The following CPEB1 variants were observed in gnomAD, a reference collection of about 807,000 sequenced individuals.
The protein encoded by CPEB1 is cytoplasmic polyadenylation element binding protein 1.
CPEB1 carries 7 observed loss-of-function variants against 65.8 expected under a neutral mutation model. The observed-to-expected ratio is 0.11, with a 90% CI of 0.06 to 0.20. The LOEUF (loss-of-function observed/expected upper bound fraction) is 0.20. Among genes scored for constraint, CPEB1 ranks in the 10% least tolerant of loss-of-function variants. The pLI is 1.00. For synonymous variants in CPEB1, 262 were observed against 260.0 expected, an observed-to-expected ratio of 1.01 and a Z score of -0.08; for missense variants, 551 against 712.2, an observed-to-expected ratio of 0.77 and a Z score of 2.58.
chr15:82,544,763 G>A, intron 12 of CPEB1, 61 bp from the exon 13 acceptor site: 1 of 1,269,602 alleles, frequency 7.9e-7, no homozygotes, highest in Non-Finnish European at 1.1e-6. Flanking sequence ...CACAGGAGCT[G>A]TTGCACGAGC....
At chr15:82,615,689 G>A (rs2044644574) in intron 3 of CPEB1, among the ~76,000 whole-genome samples, 1 of 152,148 alleles carries the variant, frequency 6.6e-6, no homozygotes, top group Admixed American at 6.6e-5. Context: ...GAATTTTGAA[G>A]TATGACAACA....
At chr15:82,624,294 C>T (rs2045567510) in intron 3 of CPEB1, among the ~76,000 whole-genome samples, 2 of 152,164 alleles carry the variant, frequency 1.3e-5, no homozygotes, top group South Asian at 4.1e-4. Flanking sequence ...AGAACATCAG[C>T]TACCTTTGAC....
Position 82,646,587 on chromosome 15 carries a change from G to C in CPEB1, c.-98+550C>G, listed in dbSNP as rs77252216. The stretch of plus-strand genomic sequence containing the variant: ...CGGTGCAAGGGGCCAGGGCTGCAGG[G>C]AGCAAAGTGCCCCCGAAAAATAAGC... On this transcript the variant is annotated intron_variant, in intron 1 of 12. Coordinates refer to ENST00000684509, the MANE Select transcript of CPEB1 (RefSeq NM_001365242.1). Among the ~76,000 whole-genome samples, 3 of 152,294 alleles carry C rather than the reference G, an allele frequency of 2.0e-5. No homozygotes were observed. In the East Asian group the frequency reaches 5.8e-4, roughly 29 times the overall value.
At chr15:82,591,199 A>G (rs2042223752) in intron 3 of CPEB1, among the ~76,000 whole-genome samples, 1 of 151,974 alleles carries the variant, frequency 6.6e-6, no homozygotes, top group Non-Finnish European at 1.5e-5. Flanking sequence ...TTAACTTTTT[A>G]ATTGTAGCCA....
chr15:82,585,238 T>G (rs183189827), intron 3 of CPEB1, among the ~76,000 whole-genome samples: 1 of 152,236 alleles, frequency 6.6e-6, no homozygotes, highest in East Asian at 1.9e-4. Flanking sequence ...CCCCCATAAA[T>G]GTACTCATTT....
intron 3 of CPEB1, among the ~76,000 whole-genome samples, chr15:82,602,513 C>T (rs1381569084): frequency 1.3e-5 from 2 of 152,066 alleles, no homozygotes; most frequent in Non-Finnish European, 2.9e-5. Context: ...TGTGCCACTA[C>T]CTTAGTGACA....
At chr15:82,602,277 A>C (rs2043183974) in intron 3 of CPEB1, among the ~76,000 whole-genome samples, 1 of 152,240 alleles carries the variant, frequency 6.6e-6, no homozygotes, top group African/African-American at 2.4e-5. Flanking sequence ...CATCCAATGG[A>C]AATTAGAAAA....
intron 3 of CPEB1, among the ~76,000 whole-genome samples, chr15:82,622,183 T>C (rs1231703965): frequency 6.6e-6 from 1 of 152,062 alleles, no homozygotes; most frequent in African/African-American, 2.4e-5. Context: ...GTGGCAGACA[T>C]CCCTGTCATC....
chr15:82,578,383 T>C (rs1219635698), intron 3 of CPEB1, among the ~76,000 whole-genome samples: 1 of 152,216 alleles, frequency 6.6e-6, no homozygotes, highest in East Asian at 1.9e-4. Context: ...TTGTATGAAC[T>C]AGTTCATTCC....
chr15:82,550,272 G>C (rs1416574917), intron 9 of CPEB1, among the ~76,000 whole-genome samples: 7 of 152,184 alleles, frequency 4.6e-5, no homozygotes, highest in Admixed American at 4.6e-4. Context: ...CCTGAACCTG[G>C]AACAAAACCT....
chr15:82,592,445 C>G (rs564262463), intron 3 of CPEB1, among the ~76,000 whole-genome samples: 1 of 151,434 alleles, frequency 6.6e-6, no homozygotes, highest in Non-Finnish European at 1.5e-5. Flanking sequence ...GGGACTGGTA[C>G]GGCATGCCTG....
chr15:82,547,869 C>CAAG (rs1567164968), intron 10 of CPEB1, among the ~76,000 whole-genome samples: 1 of 151,884 alleles, frequency 6.6e-6, no homozygotes, highest in Non-Finnish European at 1.5e-5. Flanking sequence ...GACAGGGTTT[C>CAAG]ACCATATTGT....
chr15:82,548,219 C>T (rs1452524433), intron 10 of CPEB1, among the ~76,000 whole-genome samples: 3 of 151,908 alleles, frequency 2.0e-5, no homozygotes, highest in Non-Finnish European at 2.9e-5. Flanking sequence ...CCTGTAGTCC[C>T]AGCTACTCAG....
intron 3 of CPEB1, among the ~76,000 whole-genome samples, chr15:82,614,879 G>GTGTATA (rs368957489): frequency 0.018 from 2,024 of 113,240 alleles, 20 homozygotes; most frequent in Non-Finnish European, 0.027. Flanking sequence ...GTGTGTGTGT[G>GTGTATA]TATATATATA....
At chr15:82,548,057 C>T (rs901728842) in intron 10 of CPEB1, among the ~76,000 whole-genome samples, 10 of 152,086 alleles carry the variant, frequency 6.6e-5, no homozygotes, top group African/African-American at 2.4e-4. Flanking sequence ...ATTTTATTGG[C>T]CGGGCACGGT....
At chr15:82,621,871 T>G (rs1301234238) in intron 3 of CPEB1, among the ~76,000 whole-genome samples, 1 of 152,164 alleles carries the variant, frequency 6.6e-6, no homozygotes, top group African/African-American at 2.4e-5. Flanking sequence ...GTCAATTCCT[T>G]TCTAAACCTC....
At chr15:82,551,608 T>C (rs932984093) in intron 9 of CPEB1, among the ~76,000 whole-genome samples, 10 of 152,184 alleles carry the variant, frequency 6.6e-5, no homozygotes, top group Non-Finnish European at 1.2e-4. Context: ...TTTACTAAAA[T>C]AGGCATTTTA....
At chr15:82,572,998 G>A in intron 3 of CPEB1, 1 of 1,520,314 alleles carries the variant, frequency 6.6e-7, no homozygotes, top group Non-Finnish European at 8.8e-7. Context: ...AGACTCACCA[G>A]GCAGGCTGCT....
At chr15:82,591,730 C>T (rs1001127782) in intron 3 of CPEB1, among the ~76,000 whole-genome samples, 8 of 152,086 alleles carry the variant, frequency 5.3e-5, no homozygotes, top group Non-Finnish European at 8.8e-5. Context: ...TTTTCTGTCT[C>T]TACAGATTTA....
Sources: allele counts gnomAD v4.1 joint callset (sites outside exome capture counted in the v4.1 genomes callset), GRCh38; gene constraint gnomAD v4.1.1; transcripts MANE v1.5; gene names NCBI Gene and HGNC (gene_info 2026-07-23, HGNC 2026-07-21).